The following ZNF669 variants were observed in gnomAD, a reference collection of about 807,000 sequenced individuals.
The protein encoded by ZNF669 is zinc finger protein 669.
A neutral mutation model predicts 11.4 loss-of-function variants in ZNF669; 7 were observed. That is an observed-to-expected ratio of 0.62 (90% CI 0.35 to 1.16). The LOEUF (loss-of-function observed/expected upper bound fraction) is 1.16, where lower values mean the gene tolerates loss of function less well. ZNF669 is among the 50% of genes most tolerant of loss of function. The pLI is 0.02. For synonymous variants in ZNF669, 153 were observed against 155.8 expected (o/e 0.98, Z 0.13); for missense variants, 492 against 463.6 (o/e 1.06, Z -0.56).
chr1:247,104,334 G>A lies in ZNF669; in HGVS notation c.-135C>T, dbSNP rs1395927895. ...CTAGCAGCGGAGACTAACAGGAAGA[G>A]CCGGCTCCGGCGAAGGAGAGACAAA... is the stretch of plus-strand genomic sequence containing the variant. On this transcript the variant is annotated 5_prime_UTR_variant, in exon 1 of 4. Transcript: ENST00000448299. 3 of 1,239,594 alleles carry A rather than the reference G, an allele frequency of 2.4e-6. No individual in the cohort carries two copies. The highest frequency in any genetic ancestry group is 3.2e-6 in the Non-Finnish European group (3 of 945,238). The allele number at this position is 1,239,594 out of a possible 1,614,324, so 76.8% of individuals were successfully genotyped here.
At chr1:247,101,678 A>T (rs1671726758) in intron 3 of ZNF669, 53 bp downstream of exon 3, 1 of 1,483,732 alleles carries the variant, frequency 6.7e-7, no homozygotes, top group Non-Finnish European at 9.2e-7. Flanking sequence ...TAAGTTCATG[A>T]CATGCTAAGA....
chr1:247,101,143 A>G lies in ZNF669; in HGVS notation c.368T>C (p.Leu123Pro). The change falls in exon 4 of 4, where the codon CTA becomes CCA. Residue 123 changes from leucine (L) to proline (P), a missense_variant. By Grantham distance (98) the Leu-to-Pro change is moderately conservative. Transcript: ENST00000448299. ...VRHSLLNRHI[L>P]AHSGYKPYGE... is the part of the protein sequence containing the mutation. ...ATATGGTTTGTATCCTGAGTGAGCTAGGATATGCCTATTAAGGAGGGAATG... is the reference window on the plus strand; with the variant it reads ...ATATGGTTTGTATCCTGAGTGAGCTGGGATATGCCTATTAAGGAGGGAATG... The G allele has an allele frequency of 6.2e-7, 1 of 1,614,112 alleles. No homozygotes were observed. The highest frequency in any genetic ancestry group is 8.5e-7 in the Non-Finnish European group (1 of 1,180,008).
In ZNF669 at chr1:247,101,049, G is replaced by A; in HGVS notation, c.462C>T (p.His154=). 2.5e-6 allele frequency: 4 copies of A among 1,613,884 alleles called. No homozygotes were observed. The highest frequency in any genetic ancestry group is 2.2e-5 in the South Asian group (2 of 91,082). The change falls in exon 4 of 4, where the codon CAC becomes CAT. Residue 154 remains histidine, a synonymous_variant. Coordinates refer to ENST00000448299, the MANE Select transcript of ZNF669 (RefSeq NM_001142572.2). ...FFVSVPGVRR[H]MIMHSGNPAY... ...CTGGATTTCCACTGTGCATTATCAT[G>A]TGTCTTCTAACACCTGGAACAGAAA...
At position 247,102,588 on chromosome 1, in the gene ZNF669, T is replaced by C. The variant is rs147304443; in HGVS notation, c.4-475A>G. Among the ~76,000 whole-genome samples the C allele has an allele frequency of 2.8e-4, 43 of 152,386 alleles. No individual in the cohort carries two copies. In the East Asian group the frequency reaches 6.9e-3, roughly 25 times the overall value. ...ATAAGAATGACTCACTGCATCTAAATGGTTTATGCAATATAGTTGCCAAAA... is the reference window on the plus strand; with the variant it reads ...ATAAGAATGACTCACTGCATCTAAACGGTTTATGCAATATAGTTGCCAAAA... On this transcript the variant is annotated intron_variant, in intron 1 of 3. Transcript: ENST00000448299.
In ZNF669 at chr1:247,104,280, G is replaced by A. The variant is rs1355698462; in HGVS notation, c.-81C>T. 1 of 1,448,082 alleles carries A rather than the reference G, an allele frequency of 6.9e-7. No homozygotes were observed. Among genetic ancestry groups the A allele is most frequent in the East Asian group, 2.7e-5 (1 of 36,980 alleles). 89.7% of individuals were successfully genotyped at this position (1,448,082 alleles called of 1,614,324 possible). ...TCACAGGGTGGCAGAGGCTGCTGCAGAGCCACCTGGGCCTCCCAGAGCCAA... is the reference window on the plus strand; with the variant it reads ...TCACAGGGTGGCAGAGGCTGCTGCAAAGCCACCTGGGCCTCCCAGAGCCAA... On this transcript the variant is annotated 5_prime_UTR_variant, in exon 1 of 4. Transcript: ENST00000448299.
intron 3 of ZNF669, 28 bp from the exon 4 acceptor site, chr1:247,101,347 A>T: frequency 6.6e-7 from 1 of 1,523,592 alleles, no homozygotes; most frequent in Non-Finnish European, 8.7e-7. Context: ...GCACATTATT[A>T]TTGGTTGGTT....
rs1288815426 is a variant in ZNF669, at chr1:247,100,608, C to G, written c.903G>C (p.Glu301Asp). 3 of 1,614,188 alleles carry G rather than the reference C, an allele frequency of 1.9e-6. No homozygotes were observed. Among genetic ancestry groups the G allele is most frequent in the Non-Finnish European group, 2.5e-6 (3 of 1,180,034 alleles). Residue 301 changes from glutamate (E) to aspartate (D), a missense_variant, in exon 4 of 4, where the codon GAG becomes GAC. Glu to Asp is a conservative substitution (Grantham distance 45). Coordinates refer to ENST00000448299, the MANE Select transcript of ZNF669 (RefSeq NM_001142572.2). ...CACATTGTTTACATTCATAGGGTTT[C>G]TCTCCGGTATGAGTACTTCTATGGT... ...LCNHRSTHTG[E>D]KPYECKQCDQ... is the part of the protein sequence containing the mutation.
In ZNF669 at chr1:247,101,023, G is replaced by A; in HGVS notation, c.488C>T (p.Ala163Val). ...RHMIMHSGNP[A>V]YKCTICGKAF... ...TTTCCCACATATCGTACATTTATAA[G>A]CTGGATTTCCACTGTGCATTATCAT... The change falls in exon 4 of 4, where the codon GCT becomes GTT. Residue 163 changes from alanine (A) to valine (V), a missense_variant. Coordinates refer to ENST00000448299, the MANE Select transcript of ZNF669 (RefSeq NM_001142572.2). 1 of 1,613,730 alleles carries A rather than the reference G, an allele frequency of 6.2e-7. No homozygotes were observed. Among genetic ancestry groups the A allele is most frequent in the Non-Finnish European group, 8.5e-7 (1 of 1,180,006 alleles).
chr1:247,104,314 A>T lies in ZNF669; in HGVS notation c.-115T>A. 7.5e-7 allele frequency: 1 copy of T among 1,339,880 alleles called. No homozygotes were observed. The highest frequency in any genetic ancestry group is 9.8e-7 in the Non-Finnish European group (1 of 1,024,966). The allele number at this position is 1,339,880 out of a possible 1,614,324, so 83.0% of individuals were successfully genotyped here. A position where few individuals can be genotyped will look rare whatever the true frequency, so the allele number is the denominator to read the frequency against. Reference sequence around the variant, plus strand: ...GGGCCTCCCAGAGCCAAGAACTAGCAGCGGAGACTAACAGGAAGAGCCGGC... The same window carrying T: ...GGGCCTCCCAGAGCCAAGAACTAGCTGCGGAGACTAACAGGAAGAGCCGGC... On this transcript the variant is annotated 5_prime_UTR_variant, in exon 1 of 4. Transcript: ENST00000448299.
rs749259835 is a variant in ZNF669 at position 247,101,110 on chromosome 1, T to G, written c.401A>C (p.Lys134Thr). 2 of 1,614,016 alleles carry G rather than the reference T, an allele frequency of 1.2e-6. No individual in the cohort carries two copies. The highest frequency in any genetic ancestry group is 1.3e-5 in the African/African-American group (1 of 74,950). Reference sequence around the variant, plus strand: ...CCCACACTGTTCACATTTATATTGCTTCTCTCCATATGGTTTGTATCCTGA... The same window carrying G: ...CCCACACTGTTCACATTTATATTGCGTCTCTCCATATGGTTTGTATCCTGA... ...AHSGYKPYGE[K>T]QYKCEQCGKF... The change falls in exon 4 of 4, where the codon AAG (lysine) becomes ACG (threonine). Residue 134 changes from lysine to threonine, a missense_variant. Transcript: ENST00000448299.
Position 247,104,299 on chromosome 1 carries a change from G to T in ZNF669, c.-100C>A. On this transcript the variant is annotated 5_prime_UTR_variant, in exon 1 of 4. It adds an upstream start codon to the 5' untranslated region. Coordinates refer to ENST00000448299, the MANE Select transcript of ZNF669 (RefSeq NM_001142572.2). Reference sequence around the variant, plus strand: ...GCTGCAGAGCCACCTGGGCCTCCCAGAGCCAAGAACTAGCAGCGGAGACTA... The same window carrying T: ...GCTGCAGAGCCACCTGGGCCTCCCATAGCCAAGAACTAGCAGCGGAGACTA... The T allele has an allele frequency of 7.1e-7, 1 of 1,408,790 alleles. No individual in the cohort carries two copies. The highest frequency in any genetic ancestry group is 9.3e-7 in the Non-Finnish European group (1 of 1,076,212). The allele number at this position is 1,408,790 out of a possible 1,614,324, so 87.3% of individuals were successfully genotyped here. A position where few individuals can be genotyped will look rare whatever the true frequency, so the allele number is the denominator to read the frequency against.
At chr1:247,104,039 C>A (rs376873562) in intron 1 of ZNF669, 158 bp downstream of exon 1, 2 of 1,584,842 alleles carry the variant, frequency 1.3e-6, no homozygotes, top group South Asian at 1.1e-5. Context: ...CCGCCCCGCC[C>A]GGCCCGGCCC....
intron 1 of ZNF669, chr1:247,103,948 G>A: frequency 1.9e-6 from 3 of 1,601,716 alleles, no homozygotes; most frequent in Non-Finnish European, 1.7e-6. Flanking sequence ...CCTGGATAGG[G>A]GAGGCGAGGG....
At chr1:247,103,618 C>A (rs11800223) in intron 1 of ZNF669, among the ~76,000 whole-genome samples, 4,815 of 107,436 alleles carry the variant, frequency 0.045, 324 homozygotes, top group African/African-American at 0.16. Context: ...GGCGACAGGG[C>A]GAGATTCCGT....
chr1:247,104,158 C>T, intron 1 of ZNF669, 39 bp downstream of exon 1: 1 of 1,542,106 alleles, frequency 6.5e-7, no homozygotes, highest in Non-Finnish European at 8.7e-7. Context: ...TCAACCAGCC[C>T]TCTTCTCCAC....
Position 247,100,370 on chromosome 1 carries a change from G to T in ZNF669, c.*4C>A. On this transcript the variant is annotated 3_prime_UTR_variant, in exon 4 of 4. Coordinates refer to ENST00000448299, the MANE Select transcript of ZNF669 (RefSeq NM_001142572.2). ...TAATCCAGGCTGGTTATGAACTCCT[G>T]GGCTCAAGCAATCCACACGCCTTGG... 1 of 1,538,210 alleles carries T rather than the reference G, an allele frequency of 6.5e-7. No individual in the cohort carries two copies. Among genetic ancestry groups the T allele is most frequent in the Non-Finnish European group, 8.9e-7 (1 of 1,121,232 alleles).
chr1:247,100,798 T>C lies in ZNF669; in HGVS notation c.713A>G (p.His238Arg), dbSNP rs540617701. The C allele has an allele frequency of 6.8e-6, 11 of 1,613,832 alleles. No homozygotes were observed. In the Admixed American group the frequency reaches 1.0e-4, roughly 15 times the overall value. Reference protein sequence around the residue: ...TFRFSCSFKTHERTHTGERPY... With the variant: ...TFRFSCSFKTRERTHTGERPY... ...TCTTTCTCCAGTGTGAGTCCTTTCA[T>C]GCGTCTTAAAAGAACAAGAAAATCT... Residue 238 changes from histidine to arginine, a missense_variant, in exon 4 of 4, where the codon CAT becomes CGT. Physicochemically the swap from His to Arg is conservative, Grantham distance 29. Transcript: ENST00000448299.
At position 247,104,229 on chromosome 1, in the gene ZNF669, G is replaced by A. The variant is rs6668480; in HGVS notation, c.-30C>T. 2,355 of 1,506,804 alleles carry A rather than the reference G, an allele frequency of 1.6e-3. 36 individuals carry two copies. The African/African-American group carries it at 0.031, about 20-fold the overall frequency. The allele number at this position is 1,506,804 out of a possible 1,614,324, so 93.3% of individuals were successfully genotyped here. A position where few individuals can be genotyped will look rare whatever the true frequency, so the allele number is the denominator to read the frequency against. On this transcript the variant is annotated 5_prime_UTR_variant, in exon 1 of 4. Coordinates refer to ENST00000448299, the MANE Select transcript of ZNF669 (RefSeq NM_001142572.2). ...CGGCTTCCCGGGTGTCCTGGCGTCA[G>A]CTAGGGATGTCCCAATACTCGCAGG...
chr1:247,101,152 C>T lies in ZNF669; in HGVS notation c.359G>A (p.Arg120Lys). The change falls in exon 4 of 4, where the codon AGG becomes AAG. Residue 120 changes from arginine to lysine, a missense_variant. By Grantham distance (26) the Arg-to-Lys change is conservative. Transcript: ENST00000448299. Reference protein sequence around the residue: ...KVFVRHSLLNRHILAHSGYKP... With the variant: ...KVFVRHSLLNKHILAHSGYKP... ...GTATCCTGAGTGAGCTAGGATATGC[C>T]TATTAAGGAGGGAATGACGTACAAA... 6.2e-7 allele frequency: 1 copy of T among 1,614,020 alleles called. No individual in the cohort carries two copies. Among genetic ancestry groups the T allele is most frequent in the Non-Finnish European group, 8.5e-7 (1 of 1,179,932 alleles).
Sources: allele counts gnomAD v4.1 joint callset (sites outside exome capture counted in the v4.1 genomes callset), GRCh38; gene constraint gnomAD v4.1.1; transcripts MANE v1.5; gene names NCBI Gene and HGNC (gene_info 2026-07-23, HGNC 2026-07-21).